Variants in CYTH3 observed in about 807,000 individuals in gnomAD.
The protein encoded by CYTH3 is cytohesin-3.
CYTH3 carries 23 observed loss-of-function variants against 55.1 expected under a neutral mutation model. The ratio of observed to expected loss-of-function variants is 0.42; its 90% CI spans 0.30 to 0.59. The LOEUF is 0.59. Ranked by LOEUF, CYTH3 falls within the 20% of genes least tolerant of loss-of-function variation. The pLI, the probability that CYTH3 is intolerant of heterozygous loss-of-function variation, is 0.20. For synonymous variants in CYTH3, 249 were observed against 194.9 expected (o/e 1.28, Z -2.31); for missense variants, 413 against 524.8 (o/e 0.79, Z 2.08).
chr7:6,187,505 C>T (rs1163420511), intron 3 of CYTH3, 152 bp downstream of exon 3: 9 of 709,260 alleles, frequency 1.3e-5, no homozygotes, highest in African/African-American at 1.1e-4. Context: ...CTGGACCCCT[C>T]CACGCAGAGT....
intron 1 of CYTH3, among the ~76,000 whole-genome samples, chr7:6,200,840 C>T (rs1045413228): frequency 2.0e-5 from 3 of 152,238 alleles, no homozygotes; most frequent in Admixed American, 6.5e-5. Context: ...ACTGCAGCCT[C>T]AGCGTCCCAA....
chr7:6,239,681 T>G (rs1038078329), intron 1 of CYTH3, among the ~76,000 whole-genome samples: 2 of 152,204 alleles, frequency 1.3e-5, no homozygotes, highest in Non-Finnish European at 2.9e-5. Flanking sequence ...AAATGAGATA[T>G]AAAATTAATA....
intron 1 of CYTH3, among the ~76,000 whole-genome samples, chr7:6,244,032 C>G (rs939742778): frequency 6.6e-6 from 1 of 152,192 alleles, no homozygotes; most frequent in Admixed American, 6.5e-5. Context: ...CCTGTATTTA[C>G]AGGTTTTAAA....
At chr7:6,250,389 G>T (rs1380456004) in intron 1 of CYTH3, among the ~76,000 whole-genome samples, 3 of 152,140 alleles carry the variant, frequency 2.0e-5, no homozygotes, top group African/African-American at 4.8e-5. Context: ...AAACCTTCAA[G>T]ATAGCACACA....
At chr7:6,267,569 G>T (rs1341432194) in intron 1 of CYTH3, among the ~76,000 whole-genome samples, 3 of 152,226 alleles carry the variant, frequency 2.0e-5, no homozygotes, top group Non-Finnish European at 4.4e-5. Flanking sequence ...GTCTCACTCT[G>T]TCGCCAGGCA....
chr7:6,191,073 T>A (rs1460215660), intron 1 of CYTH3, among the ~76,000 whole-genome samples: 4 of 151,226 alleles, frequency 2.6e-5, no homozygotes, highest in Non-Finnish European at 5.9e-5. Context: ...GGAGATTCTG[T>A]TTCGGGAAAA....
At chr7:6,194,199 G>A (rs540247899) in intron 1 of CYTH3, among the ~76,000 whole-genome samples, 1 of 152,352 alleles carries the variant, frequency 6.6e-6, no homozygotes, top group African/African-American at 2.4e-5. Context: ...GTTACACCTT[G>A]GGGACAAGAA....
At chr7:6,200,701 G>A (rs780348451) in intron 1 of CYTH3, among the ~76,000 whole-genome samples, 15 of 152,290 alleles carry the variant, frequency 9.8e-5, no homozygotes, top group Middle Eastern at 3.4e-3. Flanking sequence ...ACATGGAGCC[G>A]TGGTTTAACA....
chr7:6,258,110 C>T (rs1562416274), intron 1 of CYTH3, among the ~76,000 whole-genome samples: 1 of 151,934 alleles, frequency 6.6e-6, no homozygotes, highest in Non-Finnish European at 1.5e-5. Context: ...CTTGTCTCTA[C>T]AAAAAATATT....
At chr7:6,176,253 G>GTTT (rs1783346279) in intron 5 of CYTH3, among the ~76,000 whole-genome samples, 3 of 124,228 alleles carry the variant, frequency 2.4e-5, no homozygotes, top group African/African-American at 9.7e-5. Context: ...AAATACAATT[G>GTTT]ATTTTTTTTT....
In CYTH3 at chr7:6,171,289, G is replaced by A; in HGVS notation, c.475C>T (p.Pro159Ser). 1 of 1,614,180 alleles carries A rather than the reference G, an allele frequency of 6.2e-7. No homozygotes were observed. Among genetic ancestry groups the A allele is most frequent in the Non-Finnish European group, 8.5e-7 (1 of 1,180,008 alleles). ...CGATCAATCTTCTGCGCCTCCCCGG[G>A]CAGCCTGAAGCTCCATAAGAACTGC... is the stretch of plus-strand genomic sequence containing the variant. Reference protein sequence around the residue: ...LRQFLWSFRLPGEAQKIDRMM... With the variant: ...LRQFLWSFRLSGEAQKIDRMM... The change falls in exon 7 of 13, where the codon CCC (proline) becomes TCC (serine). Residue 159 changes from proline to serine, a missense_variant. Pro to Ser is a moderately conservative substitution (Grantham distance 74). Around this residue, in one of 4 missense-constraint regions of CYTH3, gnomAD observed 156 missense variants for 233.1 expected, o/e 0.67. Transcript: ENST00000350796. This position sits in a 1 kb window ranked among gnomAD's most constrained non-coding sequence, Gnocchi z 6.7.
At chr7:6,195,321 A>C (rs1434672825) in intron 1 of CYTH3, among the ~76,000 whole-genome samples, 1 of 152,202 alleles carries the variant, frequency 6.6e-6, no homozygotes, top group Non-Finnish European at 1.5e-5. Flanking sequence ...TTTCTTAGTA[A>C]ACTTTTGTCT....
intron 1 of CYTH3, among the ~76,000 whole-genome samples, chr7:6,226,875 T>C (rs1036896686): frequency 6.6e-6 from 1 of 152,010 alleles, no homozygotes; most frequent in African/African-American, 2.4e-5. Context: ...GGTCAGGAGA[T>C]CGAGACCATC....
At chr7:6,246,213 A>G (rs966534899) in intron 1 of CYTH3, among the ~76,000 whole-genome samples, 11 of 151,522 alleles carry the variant, frequency 7.3e-5, no homozygotes, top group Non-Finnish European at 1.3e-4. Flanking sequence ...CCTGAGTAGC[A>G]TGCCACAACA....
intron 1 of CYTH3, among the ~76,000 whole-genome samples, chr7:6,198,876 G>C (rs1425105020): frequency 6.6e-6 from 1 of 152,008 alleles, no homozygotes; most frequent in Non-Finnish European, 1.5e-5. Context: ...ATAAAATCCT[G>C]ACATTCCAGA....
At chr7:6,246,895 T>G (rs1779834125) in intron 1 of CYTH3, among the ~76,000 whole-genome samples, 1 of 152,244 alleles carries the variant, frequency 6.6e-6, no homozygotes, top group African/African-American at 2.4e-5. Context: ...GTATTTTTTT[T>G]AACACCACAA....
At chr7:6,179,688 C>A (rs2128541006) in intron 4 of CYTH3, among the ~76,000 whole-genome samples, 3 of 96,156 alleles carry the variant, frequency 3.1e-5, no homozygotes, top group African/African-American at 9.9e-5. Flanking sequence ...ACACACACCC[C>A]CCCACACACA....
At chr7:6,165,926 A>T in intron 9 of CYTH3, 116 bp from the exon 10 acceptor site, 3 of 1,022,052 alleles carry the variant, frequency 2.9e-6, no homozygotes. Flanking sequence ...ACCAGGCGCC[A>T]GGCTTGGGTT....
At chr7:6,240,405 C>G (rs555362567) in intron 1 of CYTH3, among the ~76,000 whole-genome samples, 1 of 151,652 alleles carries the variant, frequency 6.6e-6, no homozygotes, top group East Asian at 1.9e-4. Context: ...CAGGAAAACT[C>G]TGAAAATAAA....
Sources: gnomAD v4.1 joint callset for allele counts (sites outside exome capture counted in the v4.1 genomes callset) on GRCh38, gnomAD v4.1.1 for gene constraint, gnomAD v4.1.1 regional missense constraint, Gnocchi (gnomAD v3.1) non-coding constraint, MANE v1.5 for transcripts, NCBI Gene and HGNC (gene_info 2026-07-23, HGNC 2026-07-21) for gene names.